PLPP1: variants seen among roughly 807,000 people sequenced by gnomAD.
PLPP1 encodes the protein phospholipid phosphatase 1, also known as lipid phosphate phosphohydrolase 1a.
Under a neutral mutation model 31.2 loss-of-function variants are expected in PLPP1, and 24 were observed. That is an observed-to-expected ratio of 0.77 (90% CI 0.56 to 1.08). The LOEUF is 1.08. Ranked by LOEUF, PLPP1 falls within the 50% of genes least tolerant of loss-of-function variation. PLPP1 has a pLI of 0.00. For synonymous variants in PLPP1, 146 were observed against 126.3 expected, an observed-to-expected ratio of 1.16 and a Z score of -1.05; for missense variants, 319 against 342.7, an observed-to-expected ratio of 0.93 and a Z score of 0.55.
intron 1 of PLPP1, among the ~76,000 whole-genome samples, chr5:55,501,073 G>A (rs1419558827): frequency 6.6e-6 from 1 of 152,186 alleles, no homozygotes; most frequent in Non-Finnish European, 1.5e-5. Flanking sequence ...CCAGCACGTT[G>A]GGAGGCCGAG....
intron 4 of PLPP1, among the ~76,000 whole-genome samples, chr5:55,441,035 A>G (rs1248114136): frequency 6.6e-6 from 1 of 151,940 alleles, no homozygotes; most frequent in Admixed American, 6.7e-5. Context: ...ACATATTAAT[A>G]CACCCAAATA....
intron 1 of PLPP1, among the ~76,000 whole-genome samples, chr5:55,484,233 C>T (rs992848473): frequency 4.6e-5 from 7 of 152,104 alleles, no homozygotes; most frequent in Non-Finnish European, 8.8e-5. Flanking sequence ...TTTGGCCTGC[C>T]TTAACAAGAA....
At chr5:55,528,921 T>TTCTC (rs1740562456) in intron 1 of PLPP1, among the ~76,000 whole-genome samples, 2 of 152,292 alleles carry the variant, frequency 1.3e-5, no homozygotes, top group South Asian at 4.1e-4. Flanking sequence ...CACTAATGAA[T>TTCTC]ACTAAGAACA....
At chr5:55,465,894 A>T (rs1752282002) in intron 3 of PLPP1, among the ~76,000 whole-genome samples, 1 of 151,980 alleles carries the variant, frequency 6.6e-6, no homozygotes, top group African/African-American at 2.4e-5. Flanking sequence ...TGTACCTCCT[A>T]GCCATCCAAT....
At chr5:55,486,578 T>A (rs1297295463) in intron 1 of PLPP1, among the ~76,000 whole-genome samples, 2 of 151,586 alleles carry the variant, frequency 1.3e-5, no homozygotes, top group African/African-American at 4.9e-5. Context: ...AGAGCCAGAC[T>A]CCATCTCAAA....
At chr5:55,525,897 A>G (rs1007818419) in intron 1 of PLPP1, among the ~76,000 whole-genome samples, 6 of 152,152 alleles carry the variant, frequency 3.9e-5, no homozygotes. Context: ...CAGTATCTCT[A>G]TAATCCTTAA....
intron 1 of PLPP1, chr5:55,491,012 G>A (rs867373245): frequency 6.2e-7 from 1 of 1,613,358 alleles, no homozygotes; most frequent in East Asian, 2.2e-5. Flanking sequence ...GGATGTGACG[G>A]TACTGTCATG....
At chr5:55,468,396 A>C in intron 2 of PLPP1, 2 of 358,350 alleles carry the variant, frequency 5.6e-6, no homozygotes, top group Non-Finnish European at 1.0e-5. Context: ...TTATATCATC[A>C]CTTACCTAAA....
intron 1 of PLPP1, among the ~76,000 whole-genome samples, chr5:55,526,977 T>C (rs943800877): frequency 6.8e-6 from 1 of 146,984 alleles, no homozygotes; most frequent in East Asian, 2.0e-4. Flanking sequence ...AAACAGCAAG[T>C]GGTCAGGATA....
At chr5:55,446,270 CTATT>C (rs1751763045) in intron 3 of PLPP1, among the ~76,000 whole-genome samples, 1 of 152,178 alleles carries the variant, frequency 6.6e-6, no homozygotes, top group South Asian at 2.1e-4. Flanking sequence ...CCTTTCTTCT[CTATT>C]TTTCATCTAG....
At chr5:55,511,936 T>C (rs1753422869) in intron 1 of PLPP1, among the ~76,000 whole-genome samples, 1 of 151,504 alleles carries the variant, frequency 6.6e-6, no homozygotes. Flanking sequence ...CCCAAAGTGC[T>C]GGGATTACAG....
intron 1 of PLPP1, among the ~76,000 whole-genome samples, chr5:55,494,903 G>A (rs972272251): frequency 2.0e-5 from 3 of 150,986 alleles, no homozygotes; most frequent in Non-Finnish European, 4.4e-5. Context: ...GGCAGATCAC[G>A]AGGTCAGGAG....
chr5:55,432,717 A>G (rs1311898337), intron 4 of PLPP1, among the ~76,000 whole-genome samples: 2 of 152,156 alleles, frequency 1.3e-5, no homozygotes, highest in Non-Finnish European at 2.9e-5. Context: ...GGAGGTTTCA[A>G]CATAGGCAAA....
At chr5:55,471,356 C>T (rs183114206) in intron 2 of PLPP1, among the ~76,000 whole-genome samples, 8 of 152,182 alleles carry the variant, frequency 5.3e-5, no homozygotes, top group East Asian at 1.9e-4. Flanking sequence ...CACCCACCAC[C>T]GCACCCAGCT....
intron 3 of PLPP1, among the ~76,000 whole-genome samples, chr5:55,449,768 T>C (rs928044781): frequency 6.6e-6 from 1 of 152,178 alleles, no homozygotes; most frequent in Non-Finnish European, 1.5e-5. Flanking sequence ...AACTCTGCCA[T>C]TTTTATAACT....
At chr5:55,484,115 A>G (rs963238659) in intron 1 of PLPP1, among the ~76,000 whole-genome samples, 1 of 152,174 alleles carries the variant, frequency 6.6e-6, no homozygotes, top group Non-Finnish European at 1.5e-5. Flanking sequence ...GTGCAAGGAC[A>G]GGACATGCCC....
At chr5:55,482,193 TACACACACAG>T (rs1361208881) in intron 1 of PLPP1, among the ~76,000 whole-genome samples, 1 of 148,694 alleles carries the variant, frequency 6.7e-6, no homozygotes, top group Non-Finnish European at 1.5e-5. Context: ...ATATAGTATA[TACACACACAG>T]ACACACACAC....
intron 1 of PLPP1, among the ~76,000 whole-genome samples, chr5:55,525,464 G>C (rs1226980800): frequency 6.6e-6 from 1 of 152,148 alleles, no homozygotes; most frequent in Non-Finnish European, 1.5e-5. Flanking sequence ...GTTTTTCATA[G>C]CTTATAAGGA....
At chr5:55,482,096 A>G (rs1752677689) in intron 1 of PLPP1, among the ~76,000 whole-genome samples, 2 of 147,668 alleles carry the variant, frequency 1.4e-5, no homozygotes, top group East Asian at 3.9e-4. Flanking sequence ...TTATATTTAA[A>G]TATTATATTT....
Sources: gnomAD v4.1 joint callset for allele counts (sites outside exome capture counted in the v4.1 genomes callset) on GRCh38, gnomAD v4.1.1 for gene constraint, MANE v1.5 for transcripts, NCBI Gene and HGNC (gene_info 2026-07-23, HGNC 2026-07-21) for gene names.